ACLY: variants seen among roughly 807,000 people sequenced by gnomAD.
The protein encoded by ACLY is ATP-citrate synthase.
Under a neutral mutation model 133.0 loss-of-function variants are expected in ACLY, and 41 were observed. The ratio of observed to expected loss-of-function variants is 0.31; its 90% CI spans 0.24 to 0.40. The LOEUF is 0.40. Ranked by LOEUF, ACLY falls within the 10% of genes least tolerant of loss-of-function variation. The probability of loss-of-function intolerance (pLI) is 1.00; values close to 1 mark genes in which losing one functional copy is unlikely to be tolerated. For synonymous variants in ACLY, 495 were observed against 549.3 expected (o/e 0.90, Z 1.38); for missense variants, 1,046 against 1,453.8 (o/e 0.72, Z 4.56).
intron 20 of ACLY, 35 bp downstream of exon 20, chr17:41,883,086 CA>C: frequency 1.3e-6 from 2 of 1,556,136 alleles, no homozygotes; most frequent in Non-Finnish European, 1.8e-6. Flanking sequence ...TTGCAATCCC[CA>C]CTCCCAGCCC....
rs1025849730 is a variant in ACLY at position 41,908,362 on chromosome 17, C to A, written c.616+627G>T. 5.9e-5 allele frequency among the ~76,000 whole-genome samples: 9 copies of A among 152,278 alleles called. No homozygotes were observed. The East Asian group carries it at 1.7e-3, about 29-fold the overall frequency. On this transcript the variant is annotated intron_variant, in intron 6 of 28. Coordinates refer to ENST00000352035, the MANE Select transcript of ACLY (RefSeq NM_001096.3). ...GCAAGTGTGAGGCCTCTGAGTGTAC[C>A]AGGAGGAATGAAGGGCCAAAGGGTG...
chr17:41,873,588 T>C (rs1312267498), intron 23 of ACLY, among the ~76,000 whole-genome samples: 1 of 152,222 alleles, frequency 6.6e-6, no homozygotes, highest in African/African-American at 2.4e-5. Flanking sequence ...TGTCAAGAGA[T>C]CTGCATTTGG....
chr17:41,885,312 A>T (rs1217825767), intron 18 of ACLY, among the ~76,000 whole-genome samples: 14 of 152,056 alleles, frequency 9.2e-5, no homozygotes, highest in Admixed American at 6.6e-5. Context: ...TACACCCCTA[A>T]AGACCTTGGT....
At chr17:41,868,897 A>G (rs2048530921) in intron 27 of ACLY, 112 bp from the exon 28 acceptor site, 2 of 1,357,582 alleles carry the variant, frequency 1.5e-6, no homozygotes, top group South Asian at 1.2e-5. Context: ...TCTGGGTGGT[A>G]GCATTACAGG....
intron 1 of ACLY, among the ~76,000 whole-genome samples, chr17:41,918,491 G>C (rs1417189873): frequency 6.6e-6 from 1 of 152,254 alleles, no homozygotes; most frequent in Non-Finnish European, 1.5e-5. Flanking sequence ...CCCGGCATCC[G>C]ATGGGGGAAC....
rs182567184 is a variant in ACLY, at chr17:41,895,497, C to A, written c.1459+1123G>T. Among the ~76,000 whole-genome samples, 200 of 152,334 alleles carry A rather than the reference C, an allele frequency of 1.3e-3. 1 individual carries two copies. The highest frequency in any genetic ancestry group is 4.7e-3 in the African/African-American group (197 of 41,586). On this transcript the variant is annotated intron_variant, in intron 14 of 28. Coordinates refer to ENST00000352035, the MANE Select transcript of ACLY (RefSeq NM_001096.3). ...AGAACCTCTGTGCCAGGGGCTATGC[C>A]CCCTACACCAGGCCTCCTCTGGCCT...
chr17:41,929,154 G>A (rs1011572043), intron 1 of ACLY, among the ~76,000 whole-genome samples: 168 of 150,748 alleles, frequency 1.1e-3, no homozygotes, highest in Admixed American at 9.3e-4. Context: ...CAATGCAGTG[G>A]CCCAAACATG....
intron 14 of ACLY, among the ~76,000 whole-genome samples, chr17:41,895,244 T>C (rs1023830142): frequency 1.3e-5 from 2 of 152,150 alleles, no homozygotes. Flanking sequence ...TGACCCGCCA[T>C]CCTCAGGGGA....
At chr17:41,880,776 G>T (rs2144252196) in intron 20 of ACLY, among the ~76,000 whole-genome samples, 1 of 152,034 alleles carries the variant, frequency 6.6e-6, no homozygotes, top group East Asian at 1.9e-4. Flanking sequence ...TGAAACAGCA[G>T]AATGGCGTGA....
intron 1 of ACLY, among the ~76,000 whole-genome samples, chr17:41,928,339 T>C (rs1476199263): frequency 6.6e-6 from 1 of 152,156 alleles, no homozygotes; most frequent in Non-Finnish European, 1.5e-5. Flanking sequence ...TCATTGAACA[T>C]CAATTGATCA....
At chr17:41,902,185 T>C (rs1225842247) in intron 10 of ACLY, among the ~76,000 whole-genome samples, 1 of 152,188 alleles carries the variant, frequency 6.6e-6, no homozygotes, top group Non-Finnish European at 1.5e-5. Context: ...ATAGTCAATG[T>C]CCTACAAAAG....
intron 6 of ACLY, 110 bp downstream of exon 6, chr17:41,908,879 G>C: frequency 1.1e-6 from 1 of 884,738 alleles, no homozygotes; most frequent in Non-Finnish European, 1.9e-6. Context: ...GTGCACATCT[G>C]TCTTGTGTTA....
upstream of ACLY, among the ~76,000 whole-genome samples, chr17:41,919,183 C>A (rs970232446): frequency 8.5e-5 from 13 of 152,070 alleles, no homozygotes; most frequent in East Asian, 1.9e-4. Context: ...TGGGAGCCTG[C>A]GGGGCCGGGG....
chr17:41,877,387 C>G (rs1267879007), intron 22 of ACLY, among the ~76,000 whole-genome samples: 1 of 152,068 alleles, frequency 6.6e-6, no homozygotes, highest in African/African-American at 2.4e-5. Context: ...AGGTGATCCG[C>G]CCACCCTGGC....
At chr17:41,878,270 C>A in intron 21 of ACLY, 74 bp from the exon 22 acceptor site, 1 of 986,928 alleles carries the variant, frequency 1.0e-6, no homozygotes, top group Non-Finnish European at 1.4e-6. Context: ...CCCAAGAATG[C>A]TCTATCTAAC....
chr17:41,901,170 G>A (rs2049528432), intron 11 of ACLY, among the ~76,000 whole-genome samples: 1 of 151,150 alleles, frequency 6.6e-6, no homozygotes, highest in African/African-American at 2.4e-5. Context: ...ATGTTGCCCA[G>A]GCTGGTCTTG....
intron 11 of ACLY, among the ~76,000 whole-genome samples, 177 bp downstream of exon 11, chr17:41,901,519 C>T (rs1443230919): frequency 7.1e-6 from 1 of 140,724 alleles, no homozygotes; most frequent in Non-Finnish European, 1.6e-5. Context: ...TTCCTGACCA[C>T]TCCAAAGTTT....
At chr17:41,890,864 G>C (rs2049190742) in intron 16 of ACLY, among the ~76,000 whole-genome samples, 1 of 130,222 alleles carries the variant, frequency 7.7e-6, no homozygotes, top group African/African-American at 2.8e-5. Flanking sequence ...AAAAAAGCCA[G>C]GTGTGGTGGC....
intron 12 of ACLY, 129 bp from the exon 13 acceptor site, chr17:41,897,968 T>C (rs782497912): frequency 9.4e-5 from 70 of 744,470 alleles, no homozygotes; most frequent in Non-Finnish European, 1.0e-4. Context: ...ATAAGCTGCT[T>C]CCAAAAGTAC....
Sources: gnomAD v4.1 joint callset for allele counts (sites outside exome capture counted in the v4.1 genomes callset) on GRCh38, gnomAD v4.1.1 for gene constraint, MANE v1.5 for transcripts, NCBI Gene and HGNC (gene_info 2026-07-23, HGNC 2026-07-21) for gene names.